The following NUMB variants were observed in gnomAD, a reference collection of about 807,000 sequenced individuals.
NUMB encodes the protein protein numb homolog.
Under a neutral mutation model 59.7 loss-of-function variants are expected in NUMB, and 29 were observed. That is an observed-to-expected ratio of 0.49 (90% confidence interval 0.36 to 0.66). The LOEUF (loss-of-function observed/expected upper bound fraction) is 0.66, where lower values mean the gene tolerates loss of function less well. Ranked by LOEUF, NUMB falls within the 30% of genes least tolerant of loss-of-function variation. The probability of loss-of-function intolerance (pLI) is 0.00; values close to 1 mark genes in which losing one functional copy is unlikely to be tolerated. For missense variants in NUMB, 723 were observed against 822.0 expected (o/e 0.88, Z 1.47); for synonymous variants, 288 against 288.2 (o/e 1.00, Z 0.01).
At chr14:73,418,646 C>T (rs1897228373) in intron 1 of NUMB, among the ~76,000 whole-genome samples, 1 of 152,066 alleles carries the variant, frequency 6.6e-6, no homozygotes, top group Admixed American at 6.6e-5. Flanking sequence ...TGGCACATGC[C>T]TGTAATCCCA....
At chr14:73,345,613 A>T (rs1490635972) in intron 4 of NUMB, among the ~76,000 whole-genome samples, 1 of 152,184 alleles carries the variant, frequency 6.6e-6, no homozygotes, top group Non-Finnish European at 1.5e-5. Flanking sequence ...AGTAGAAATT[A>T]AAAATAAGAA....
At chr14:73,333,111 G>C (rs932417005) in intron 4 of NUMB, among the ~76,000 whole-genome samples, 3 of 152,136 alleles carry the variant, frequency 2.0e-5, no homozygotes, top group African/African-American at 7.2e-5. Flanking sequence ...GCAGTGAATT[G>C]CTGGGTCATA....
At chr14:73,292,947 A>G (rs1594870797) in intron 7 of NUMB, 73 bp from the exon 8 acceptor site, 1 of 1,440,572 alleles carries the variant, frequency 6.9e-7, no homozygotes, top group East Asian at 2.3e-5. Context: ...CAGGATGTTC[A>G]TTTCATGATG....
intron 1 of NUMB, among the ~76,000 whole-genome samples, chr14:73,445,622 C>T (rs60482107): frequency 0.051 from 7,820 of 152,140 alleles, 653 homozygotes; most frequent in African/African-American, 0.18. Context: ...ATGCTGGGTC[C>T]TTGCAACAGT....
At chr14:73,337,730 G>T (rs1182947037) in intron 4 of NUMB, among the ~76,000 whole-genome samples, 1 of 152,124 alleles carries the variant, frequency 6.6e-6, no homozygotes, top group Non-Finnish European at 1.5e-5. Context: ...TATTGTGTTA[G>T]TAGAGAAAAC....
rs1894545980 is a variant in NUMB at position 73,369,253 on chromosome 14, G to C, written c.-100-2272C>G. Among the ~76,000 whole-genome samples the C allele has an allele frequency of 2.0e-5, 3 of 152,228 alleles. No homozygotes were observed. The South Asian group carries it at 6.2e-4, about 32-fold the overall frequency. On this transcript the variant is annotated intron_variant, in intron 2 of 12. Coordinates refer to ENST00000555238, the MANE Select transcript of NUMB (RefSeq NM_001005743.2). ...AGACAGGGTTTCACCATGTTGGCCAGGCTGGTCTCGAACTCCTGACCTCGT... is the reference window on the plus strand; with the variant it reads ...AGACAGGGTTTCACCATGTTGGCCACGCTGGTCTCGAACTCCTGACCTCGT...
intron 4 of NUMB, among the ~76,000 whole-genome samples, chr14:73,353,971 G>A (rs1049365895): frequency 3.3e-5 from 5 of 152,042 alleles, no homozygotes; most frequent in African/African-American, 7.2e-5. Flanking sequence ...TTTCTACAAA[G>A]TTTCAGCAAA....
intron 4 of NUMB, among the ~76,000 whole-genome samples, chr14:73,327,795 T>C (rs556651999): frequency 2.0e-4 from 30 of 152,262 alleles, no homozygotes; most frequent in African/African-American, 7.0e-4. Flanking sequence ...TTTAGAGGTC[T>C]ATGAGATTTG....
At chr14:73,453,190 T>C (rs1884107920) in intron 1 of NUMB, among the ~76,000 whole-genome samples, 1 of 152,218 alleles carries the variant, frequency 6.6e-6, no homozygotes, top group Non-Finnish European at 1.5e-5. Context: ...TGGAGTACAA[T>C]GGCGTGCTAT....
At chr14:73,417,291 T>C (rs1302665917) in intron 1 of NUMB, among the ~76,000 whole-genome samples, 2 of 152,152 alleles carry the variant, frequency 1.3e-5, no homozygotes, top group Non-Finnish European at 2.9e-5. Context: ...TAGCCATCTG[T>C]AGATGGCAAC....
At chr14:73,302,553 C>T (rs1890208053) in intron 6 of NUMB, among the ~76,000 whole-genome samples, 1 of 151,882 alleles carries the variant, frequency 6.6e-6, no homozygotes, top group Non-Finnish European at 1.5e-5. Context: ...ATTATGGGTG[C>T]ATGGCCCCAC....
chr14:73,357,064 A>G, intron 3 of NUMB: 7 of 931,514 alleles, frequency 7.5e-6, no homozygotes, highest in African/African-American at 1.8e-5. Context: ...TTATAGTAAC[A>G]TAAAAAAAAT....
At chr14:73,316,278 A>C in intron 6 of NUMB, 112 bp downstream of exon 6, 1 of 863,416 alleles carries the variant, frequency 1.2e-6, no homozygotes, top group Non-Finnish European at 1.9e-6. Flanking sequence ...CAATCAAACC[A>C]ATTCCTGCAT....
chr14:73,343,263 A>G (rs1413896044), intron 4 of NUMB, among the ~76,000 whole-genome samples: 1 of 152,184 alleles, frequency 6.6e-6, no homozygotes, highest in East Asian at 1.9e-4. Flanking sequence ...CACTGAGATA[A>G]CAGTTTGGAG....
At chr14:73,413,763 C>T (rs973392348) in intron 1 of NUMB, among the ~76,000 whole-genome samples, 4 of 151,884 alleles carry the variant, frequency 2.6e-5, no homozygotes, top group Non-Finnish European at 5.9e-5. Flanking sequence ...GCCCGAGTGA[C>T]AGAGCAAGAC....
chr14:73,362,974 C>G (rs528172713), intron 3 of NUMB, among the ~76,000 whole-genome samples: 1 of 150,860 alleles, frequency 6.6e-6, no homozygotes, highest in South Asian at 2.1e-4. Context: ...CATAGTGAGA[C>G]CCTGTCTCTA....
rs776594669 is a variant in NUMB at position 73,276,575 on chromosome 14, T to G, written c.*3A>C. On this transcript the variant is annotated 3_prime_UTR_variant, in exon 13 of 13. Coordinates refer to ENST00000555238, the MANE Select transcript of NUMB (RefSeq NM_001005743.2). ...GGACAAGATACATAGCCATAATGAT[T>G]GCTTAAAGTTCAATTTCAAACGTCT... 22 of 1,608,700 alleles carry G rather than the reference T, an allele frequency of 1.4e-5. No individual in the cohort carries two copies. The East Asian group carries it at 4.5e-4, about 33-fold the overall frequency.
chr14:73,359,738 A>G (rs893951521), intron 3 of NUMB, among the ~76,000 whole-genome samples: 1 of 152,156 alleles, frequency 6.6e-6, no homozygotes, highest in African/African-American at 2.4e-5. Context: ...GCCACTGAAA[A>G]AATTACAGAA....
chr14:73,291,087 T>G (rs55734044), intron 8 of NUMB, among the ~76,000 whole-genome samples: 13 of 144,832 alleles, frequency 9.0e-5, no homozygotes, highest in African/African-American at 3.0e-4. Context: ...TTGTTTTTTG[T>G]TTTTTTTTTT....
Sources: gnomAD v4.1 joint callset for allele counts (sites outside exome capture counted in the v4.1 genomes callset) on GRCh38, gnomAD v4.1.1 for gene constraint, MANE v1.5 for transcripts, NCBI Gene and HGNC (gene_info 2026-07-23, HGNC 2026-07-21) for gene names.